The following AGTPBP1 variants were observed in gnomAD, a reference collection of about 807,000 sequenced individuals.
The protein encoded by AGTPBP1 is cytosolic carboxypeptidase 1.
In AGTPBP1, 70 loss-of-function variants were observed where a neutral mutation model predicts 143.9. That is an observed-to-expected ratio of 0.49 (90% CI 0.40 to 0.59). The LOEUF is 0.59. Among genes scored for constraint, AGTPBP1 ranks in the 20% least tolerant of loss-of-function variants. AGTPBP1 has a pLI of 0.00. For missense variants in AGTPBP1, 1,229 were observed against 1,464.5 expected (o/e 0.84, Z 2.62); for synonymous variants, 463 against 500.2 (o/e 0.93, Z 0.99).
rs776649407 is a variant in AGTPBP1 at position 85,655,222 on chromosome 9, A to C, written c.1008T>G (p.Ile336Met). 63 of 1,610,486 alleles carry C rather than the reference A, an allele frequency of 3.9e-5. No individual in the cohort carries two copies. The highest frequency in any genetic ancestry group is 5.3e-5 in the Non-Finnish European group (62 of 1,178,068). The change falls in exon 11 of 26, where the codon ATT becomes ATG. Residue 336 changes from isoleucine to methionine, a missense_variant. Ile to Met is a conservative substitution (Grantham distance 10, BLOSUM62 1). Transcript: ENST00000357081. ...GCAACTGGAAATGAAAAGAACTTTT[A>C]ATTGTTGGGAGTGGCAGTCGATTTT... ...FPKNRLPLPTIKSSFHFQLPV... is the reference protein window; with the variant it reads ...FPKNRLPLPTMKSSFHFQLPV...
intron 24 of AGTPBP1, among the ~76,000 whole-genome samples, chr9:85,578,674 A>G (rs976896344): frequency 2.0e-5 from 3 of 152,212 alleles, no homozygotes; most frequent in Non-Finnish European, 4.4e-5. Flanking sequence ...AAAATTATGA[A>G]TATAAACAGA....
chr9:85,707,036 A>C (rs1837060304), intron 2 of AGTPBP1, among the ~76,000 whole-genome samples: 2 of 152,204 alleles, frequency 1.3e-5, no homozygotes, highest in African/African-American at 4.8e-5. Context: ...AATAGAAAAA[A>C]TACATCATGC....
the AGTPBP1 span, among the ~76,000 whole-genome samples, chr9:85,771,652 CTTT>C: frequency 5.1e-5 from 7 of 136,146 alleles, no homozygotes; most frequent in African/African-American, 8.3e-5. Context: ...ACATAGATAA[CTTT>C]TTTTTTTTTT....
intron 4 of AGTPBP1, among the ~76,000 whole-genome samples, chr9:85,679,997 A>G (rs1332847913): frequency 6.6e-6 from 1 of 152,174 alleles, no homozygotes; most frequent in Non-Finnish European, 1.5e-5. Flanking sequence ...GTCATGATTC[A>G]ATGTTACCTT....
chr9:85,741,260 C>A, intron 1 of AGTPBP1: 5 of 985,462 alleles, frequency 5.1e-6, no homozygotes, highest in Non-Finnish European at 6.0e-6. Context: ...GCCGATGTCA[C>A]AGCAAATCCC....
In AGTPBP1 at chr9:85,632,802, A is replaced by G; in HGVS notation, c.1875T>C (p.His625=). The change falls in exon 14 of 26, where the codon CAT becomes CAC. Residue 625 remains histidine (H), a synonymous_variant. Coordinates refer to ENST00000357081, the MANE Select transcript of AGTPBP1 (RefSeq NM_001330701.2). ...SVEVPDGPTL[H]DPDLYIEIVK... The stretch of plus-strand genomic sequence containing the variant: ...CAATCTCAATATAGAGGTCTGGGTC[A>G]TGGAGTGTTGGTCCATCAGGTACTT... 6.2e-7 allele frequency: 1 copy of G among 1,614,198 alleles called. No homozygotes were observed.
the AGTPBP1 span, among the ~76,000 whole-genome samples, chr9:85,778,823 TGAG>T: frequency 2.4e-3 from 363 of 152,324 alleles, 2 homozygotes; most frequent in African/African-American, 8.3e-3. Flanking sequence ...TCCACTGAAC[TGAG>T]GAGCAACCAA....
At chr9:85,748,970 C>G in the AGTPBP1 span, among the ~76,000 whole-genome samples, 1 of 145,838 alleles carries the variant, frequency 6.9e-6, no homozygotes, top group African/African-American at 2.5e-5. Flanking sequence ...GCTTGTAACT[C>G]AAACTTTTAC....
the AGTPBP1 span, chr9:85,770,464 G>A: frequency 6.3e-6 from 10 of 1,576,350 alleles, no homozygotes; most frequent in South Asian, 7.8e-5. Flanking sequence ...TGAGATTAGA[G>A]CTATTCTTTT....
intron 21 of AGTPBP1, among the ~76,000 whole-genome samples, chr9:85,587,431 C>T (rs917743377): frequency 6.6e-6 from 1 of 151,948 alleles, no homozygotes; most frequent in African/African-American, 2.4e-5. Flanking sequence ...ACATCAAATA[C>T]CTTTTTGTTT....
the AGTPBP1 span, chr9:85,770,155 C>T: frequency 1.6e-6 from 1 of 643,160 alleles, no homozygotes; most frequent in South Asian, 1.9e-5. Flanking sequence ...ACTCAAAAAA[C>T]ATTTTCTTAA....
At chr9:85,557,865 T>C (rs1194990574) in intron 25 of AGTPBP1, among the ~76,000 whole-genome samples, 1 of 152,146 alleles carries the variant, frequency 6.6e-6, no homozygotes, top group East Asian at 1.9e-4. Flanking sequence ...ACTATTATCT[T>C]TGTACTATTT....
At chr9:85,585,666 A>C in intron 22 of AGTPBP1, 72 bp from the exon 23 acceptor site, 3 of 1,263,698 alleles carry the variant, frequency 2.4e-6, no homozygotes, top group Non-Finnish European at 3.1e-6. Context: ...AGTTAATATC[A>C]AGCCAATAAA....
intron 11 of AGTPBP1, 104 bp downstream of exon 11, chr9:85,655,039 T>C (rs1359809420): frequency 1.6e-5 from 16 of 1,022,150 alleles, no homozygotes; most frequent in Non-Finnish European, 2.2e-5. Context: ...TCACGTTAAG[T>C]AAGGCCTTCC....
rs1356899576 is a variant in AGTPBP1 at position 85,712,610 on chromosome 9, T to C, written c.-33-44A>G. ...TGATATTAAAAACTTATAACTCTTT[T>C]TTCTATATATTAGATATCACAGAAG... On this transcript the variant is annotated intron_variant, in intron 1 of 25. Coordinates refer to ENST00000357081, the MANE Select transcript of AGTPBP1 (RefSeq NM_001330701.2). The C allele has an allele frequency of 4.0e-6, 4 of 993,362 alleles. No individual in the cohort carries two copies. The African/African-American group carries it at 5.0e-5, about 12-fold the overall frequency. The allele number at this position is 993,362 out of a possible 1,614,324, so 61.5% of individuals were successfully genotyped here.
intron 17 of AGTPBP1, among the ~76,000 whole-genome samples, chr9:85,597,031 G>A (rs1424106962): frequency 6.6e-6 from 1 of 151,982 alleles, no homozygotes; most frequent in Non-Finnish European, 1.5e-5. Context: ...TTTCTAAATG[G>A]AACTGAATTA....
At chr9:85,680,964 A>T (rs1057205691) in intron 4 of AGTPBP1, among the ~76,000 whole-genome samples, 2 of 152,214 alleles carry the variant, frequency 1.3e-5, no homozygotes, top group African/African-American at 4.8e-5. Flanking sequence ...ACCAACTAAA[A>T]TGGCATGTTA....
chr9:85,723,264 G>T (rs569827061), intron 1 of AGTPBP1, among the ~76,000 whole-genome samples: 2 of 152,354 alleles, frequency 1.3e-5, no homozygotes, highest in East Asian at 3.9e-4. Flanking sequence ...CTTTTCTTCT[G>T]GTAGGCACTG....
chr9:85,557,814 G>A (rs945488681), intron 25 of AGTPBP1, among the ~76,000 whole-genome samples: 3 of 152,066 alleles, frequency 2.0e-5, no homozygotes, highest in South Asian at 2.1e-4. Context: ...AGATAACAGA[G>A]GTTAACATTT....
Sources: allele counts gnomAD v4.1 joint callset (sites outside exome capture counted in the v4.1 genomes callset), GRCh38; gene constraint gnomAD v4.1.1; transcripts MANE v1.5; gene names NCBI Gene and HGNC (gene_info 2026-07-23, HGNC 2026-07-21).